ATP2B1: variants seen among roughly 807,000 people sequenced by gnomAD.
The protein encoded by ATP2B1 is ATPase plasma membrane Ca2+ transporting 1.
ATP2B1 carries 14 observed loss-of-function variants against 124.2 expected under a neutral mutation model. The observed-to-expected ratio is 0.11, with a 90% confidence interval of 0.07 to 0.18. ATP2B1 has a LOEUF of 0.18. Ranked by LOEUF, ATP2B1 falls within the 10% of genes least tolerant of loss-of-function variation. ATP2B1 has a pLI of 1.00. For synonymous variants in ATP2B1, 449 were observed against 492.4 expected (o/e 0.91, Z 1.17); for missense variants, 763 against 1,466.1 (o/e 0.52, Z 7.83).
intron 6 of ATP2B1, among the ~76,000 whole-genome samples, chr12:89,628,061 G>C (rs946877233): frequency 6.6e-6 from 1 of 152,110 alleles, no homozygotes; most frequent in Non-Finnish European, 1.5e-5. Context: ...GGTGGAGAGG[G>C]AGGAGGAAGA....
intron 1 of ATP2B1, among the ~76,000 whole-genome samples, chr12:89,682,327 T>C (rs1020020350): frequency 1.3e-5 from 2 of 152,144 alleles, no homozygotes; most frequent in South Asian, 2.1e-4. Flanking sequence ...CAACAAGCTT[T>C]TTTCCTGAAA....
At chr12:89,643,642 T>C (rs1883998611) in intron 2 of ATP2B1, among the ~76,000 whole-genome samples, 1 of 152,234 alleles carries the variant, frequency 6.6e-6, no homozygotes, top group African/African-American at 2.4e-5. Flanking sequence ...TTGCCATTCC[T>C]TCACCCTACC....
chr12:89,662,632 CAA>C (rs1886846373), intron 1 of ATP2B1, among the ~76,000 whole-genome samples: 1 of 152,002 alleles, frequency 6.6e-6, no homozygotes, highest in Admixed American at 6.6e-5. Context: ...AACATATAAA[CAA>C]GAGTAAATTC....
chr12:89,608,623 T>C (rs1877417079), intron 15 of ATP2B1, among the ~76,000 whole-genome samples: 8 of 152,210 alleles, frequency 5.3e-5, no homozygotes. Context: ...TACCTGTATT[T>C]ATTTAAAGCC....
At chr12:89,612,458 C>T (rs1298878653) in intron 12 of ATP2B1, among the ~76,000 whole-genome samples, 1 of 151,656 alleles carries the variant, frequency 6.6e-6, no homozygotes, top group African/African-American at 2.4e-5. Flanking sequence ...GAGACAAATG[C>T]CTAATGAAAG....
At chr12:89,707,266 A>G (rs1156625192) in intron 1 of ATP2B1, among the ~76,000 whole-genome samples, 1 of 152,112 alleles carries the variant, frequency 6.6e-6, no homozygotes, top group East Asian at 1.9e-4. Context: ...AGGGTTACAC[A>G]CCCTCTGCCA....
chr12:89,662,833 C>A (rs1168918596), intron 1 of ATP2B1, among the ~76,000 whole-genome samples: 1 of 152,016 alleles, frequency 6.6e-6, no homozygotes, highest in Admixed American at 6.6e-5. Context: ...AAGTACAGTA[C>A]TTTAAAGGGC....
At chr12:89,700,396 T>C (rs891950407) in intron 1 of ATP2B1, among the ~76,000 whole-genome samples, 1 of 152,088 alleles carries the variant, frequency 6.6e-6, no homozygotes, top group African/African-American at 2.4e-5. Context: ...TTGTCAGGAG[T>C]GTCCACACTT....
intron 1 of ATP2B1, among the ~76,000 whole-genome samples, chr12:89,702,743 C>T (rs776232150): frequency 6.6e-6 from 1 of 152,014 alleles, no homozygotes; most frequent in Non-Finnish European, 1.5e-5. Flanking sequence ...TTATTTGTTC[C>T]CTCAGAGGCC....
chr12:89,695,725 C>A (rs1891070592), intron 1 of ATP2B1, among the ~76,000 whole-genome samples: 2 of 152,032 alleles, frequency 1.3e-5, no homozygotes, highest in South Asian at 4.1e-4. Context: ...AATAGTAATA[C>A]CCATTTCCAT....
At chr12:89,658,425 A>G (rs983285077) in intron 1 of ATP2B1, among the ~76,000 whole-genome samples, 3 of 152,232 alleles carry the variant, frequency 2.0e-5, no homozygotes, top group Non-Finnish European at 4.4e-5. Context: ...TTAAAAGCCT[A>G]CTGGAGTAGA....
At position 89,600,711 on chromosome 12, in the gene ATP2B1, C is replaced by T. The variant is rs572168277; in HGVS notation, c.3168+615G>A. ...TCTCCCTGGCTAGAGTGCAATGGCGCGATCTTGGCTCACTGCAACCTCTGC... is the reference window on the plus strand; with the variant it reads ...TCTCCCTGGCTAGAGTGCAATGGCGTGATCTTGGCTCACTGCAACCTCTGC... On this transcript the variant is annotated intron_variant, in intron 19 of 20. Coordinates refer to ENST00000428670, the MANE Select transcript of ATP2B1 (RefSeq NM_001366521.1). Among the ~76,000 whole-genome samples the T allele has an allele frequency of 4.6e-5, 7 of 150,560 alleles. No homozygotes were observed. The East Asian group carries it at 9.7e-4, about 21-fold the overall frequency.
intron 2 of ATP2B1, among the ~76,000 whole-genome samples, chr12:89,642,658 G>A (rs1883736803): frequency 6.6e-6 from 1 of 152,102 alleles, no homozygotes; most frequent in Non-Finnish European, 1.5e-5. Context: ...AGGCTGGCGT[G>A]CAGTGGCACA....
At chr12:89,707,753 C>A (rs1892652493) in intron 1 of ATP2B1, among the ~76,000 whole-genome samples, 1 of 152,252 alleles carries the variant, frequency 6.6e-6, no homozygotes, top group Admixed American at 6.5e-5. Context: ...GAATGAAATG[C>A]GCACAGAGAC....
chr12:89,636,773 G>T (rs1321788760), intron 3 of ATP2B1, among the ~76,000 whole-genome samples: 2 of 152,130 alleles, frequency 1.3e-5, no homozygotes, highest in Non-Finnish European at 2.9e-5. Flanking sequence ...CCACCAGCAG[G>T]ATTCAACTGT....
At chr12:89,660,754 C>T (rs978216966) in intron 1 of ATP2B1, among the ~76,000 whole-genome samples, 1 of 152,180 alleles carries the variant, frequency 6.6e-6, no homozygotes, top group Non-Finnish European at 1.5e-5. Context: ...GCTATTTTTA[C>T]TGTTCTTTAA....
chr12:89,697,103 T>A (rs1891232983), intron 1 of ATP2B1, among the ~76,000 whole-genome samples: 1 of 143,102 alleles, frequency 7.0e-6, no homozygotes, highest in Non-Finnish European at 1.5e-5. Flanking sequence ...AATTCAAATA[T>A]CAAGTTCCTT....
chr12:89,664,179 C>T (rs1025376028), intron 1 of ATP2B1, among the ~76,000 whole-genome samples: 1 of 152,150 alleles, frequency 6.6e-6, no homozygotes, highest in Non-Finnish European at 1.5e-5. Context: ...CCAAGCACAG[C>T]TCCTGTTTCC....
intron 7 of ATP2B1, 106 bp downstream of exon 7, chr12:89,627,572 G>T: frequency 1.5e-6 from 2 of 1,300,264 alleles, no homozygotes; most frequent in Non-Finnish European, 1.1e-6. Flanking sequence ...GTATATTGTT[G>T]ATTTTCCCTG....
Sources: gnomAD v4.1 joint callset for allele counts (sites outside exome capture counted in the v4.1 genomes callset) on GRCh38, gnomAD v4.1.1 for gene constraint, MANE v1.5 for transcripts, NCBI Gene and HGNC (gene_info 2026-07-23, HGNC 2026-07-21) for gene names.